The following DBF4 variants were observed in gnomAD, a reference collection of about 807,000 sequenced individuals.
DBF4 encodes protein DBF4 homolog A.
A neutral mutation model predicts 76.6 loss-of-function variants in DBF4; 25 were observed. The ratio of observed to expected loss-of-function variants is 0.33; its 90% confidence interval spans 0.24 to 0.46. The LOEUF is 0.46. Ranked by LOEUF, DBF4 falls within the 20% of genes least tolerant of loss-of-function variation. The pLI is 1.00. For missense variants in DBF4, 638 were observed against 760.8 expected (o/e 0.84, Z 1.90); for synonymous variants, 213 against 258.0 (o/e 0.83, Z 1.67).
At chr7:87,884,888 G>T in intron 2 of DBF4, 91 bp from the exon 3 acceptor site, 2 of 954,426 alleles carry the variant, frequency 2.1e-6, no homozygotes, top group Non-Finnish European at 1.6e-6. Context: ...AGTGAGCTAT[G>T]ATTGTGCCAC....
chr7:87,902,318 CAT>C (rs1839807971), intron 10 of DBF4, among the ~76,000 whole-genome samples: 1 of 152,000 alleles, frequency 6.6e-6, no homozygotes, highest in African/African-American at 2.4e-5. Context: ...AGAGTAAAGA[CAT>C]TTTTTTTTTG....
intron 2 of DBF4, among the ~76,000 whole-genome samples, chr7:87,881,313 C>T (rs986879512): frequency 6.6e-6 from 1 of 152,194 alleles, no homozygotes. Context: ...GAGGCTGAGG[C>T]AGGAGAATCT....
At position 87,876,564 on chromosome 7, in the gene DBF4, G is replaced by C. The variant is rs1042367826; in HGVS notation, c.-169G>C. 3 of 678,004 alleles carry C rather than the reference G, an allele frequency of 4.4e-6. No homozygotes were observed. Among genetic ancestry groups the C allele is most frequent in the African/African-American group, 1.8e-5 (1 of 55,850 alleles). The allele number at this position is 678,004 out of a possible 1,614,324, so 42.0% of individuals were successfully genotyped here. Reference sequence around the variant, plus strand: ...TCCTCCGCGCCTTGGAGCCGGATCCGGCCCCGGAAACCCGACCTGCAGACG... The same window carrying C: ...TCCTCCGCGCCTTGGAGCCGGATCCCGCCCCGGAAACCCGACCTGCAGACG... On this transcript the variant is annotated 5_prime_UTR_variant, in exon 1 of 12. Transcript: ENST00000265728.
chr7:87,892,599 CAA>C (rs1472419842), intron 6 of DBF4, among the ~76,000 whole-genome samples: 3 of 152,042 alleles, frequency 2.0e-5, no homozygotes, highest in Admixed American at 2.0e-4. Context: ...GGTAAATAAC[CAA>C]AGAGTATGAT....
chr7:87,907,735 C>G lies in DBF4; in HGVS notation c.1597C>G (p.Leu533Val). 4 of 1,614,046 alleles carry G rather than the reference C, an allele frequency of 2.5e-6. No homozygotes were observed. The highest frequency in any genetic ancestry group is 3.4e-6 in the Non-Finnish European group (4 of 1,179,956). Residue 533 changes from leucine to valine, a missense_variant, in exon 12 of 12, where the codon CTG (leucine) becomes GTG (valine). Coordinates refer to ENST00000265728, the MANE Select transcript of DBF4 (RefSeq NM_006716.4). Reference sequence around the variant, plus strand: ...TTCAATATTTACTCATGATTCTGGTCTGATAACAATAAACAGTTCACAAGA... The same window carrying G: ...TTCAATATTTACTCATGATTCTGGTGTGATAACAATAAACAGTTCACAAGA... ...LHSIFTHDSG[L>V]ITINSSQEHL...
At chr7:87,883,977 T>C (rs1839280607) in intron 2 of DBF4, among the ~76,000 whole-genome samples, 2 of 152,208 alleles carry the variant, frequency 1.3e-5, no homozygotes, top group South Asian at 4.1e-4. Context: ...ACCCTGGCGA[T>C]CTTTAATAAC....
At position 87,904,736 on chromosome 7, in the gene DBF4, G is replaced by A. The variant is rs764598151; in HGVS notation, c.1049+320G>A. ...CCAGCCTGGGTGACAGTGAGACTCC[G>A]TCTCAAAAATAAATAAATAAATTAT... On this transcript the variant is annotated intron_variant, in intron 11 of 11. Transcript: ENST00000265728. 5.3e-5 allele frequency among the ~76,000 whole-genome samples: 8 copies of A among 151,870 alleles called. No individual in the cohort carries two copies. In the South Asian group the frequency reaches 6.2e-4, roughly 12 times the overall value.
intron 5 of DBF4, 35 bp from the exon 6 acceptor site, chr7:87,887,948 T>C (rs770620200): frequency 5.4e-6 from 8 of 1,490,772 alleles, no homozygotes; most frequent in Non-Finnish European, 2.7e-6. Context: ...AAGAGTAAAA[T>C]TGCTAATCTT....
intron 2 of DBF4, among the ~76,000 whole-genome samples, chr7:87,879,148 C>T (rs779409567): frequency 1.8e-4 from 27 of 152,196 alleles, no homozygotes; most frequent in Non-Finnish European, 3.2e-4. Flanking sequence ...AGGGTTTCAC[C>T]GTGTTGCCCA....
At chr7:87,904,257 C>A in intron 10 of DBF4, 35 bp from the exon 11 acceptor site, 1 of 1,563,582 alleles carries the variant, frequency 6.4e-7, no homozygotes, top group Non-Finnish European at 8.6e-7. Flanking sequence ...ATTTTAAATA[C>A]AATTTTTTGA....
chr7:87,887,885 A>G (rs1839397344), intron 5 of DBF4, 98 bp from the exon 6 acceptor site: 1 of 1,174,392 alleles, frequency 8.5e-7, no homozygotes. Flanking sequence ...GATACCTATA[A>G]TGGTAAATTC....
chr7:87,890,467 G>T (rs1230798596), intron 6 of DBF4, among the ~76,000 whole-genome samples: 1 of 152,186 alleles, frequency 6.6e-6, no homozygotes, highest in South Asian at 2.1e-4. Context: ...GGCAGGCAGA[G>T]GTAGCAGTGA....
intron 5 of DBF4, 143 bp from the exon 6 acceptor site, chr7:87,887,840 T>G: frequency 1.2e-6 from 1 of 808,750 alleles, no homozygotes; most frequent in Non-Finnish European, 1.8e-6. Flanking sequence ...AACATGAGTT[T>G]TAGAGGAGAC....
intron 6 of DBF4, 50 bp downstream of exon 6, chr7:87,888,109 T>G (rs1324556809): frequency 6.6e-7 from 1 of 1,512,108 alleles, no homozygotes; most frequent in Non-Finnish European, 8.8e-7. Flanking sequence ...GTTTTTTTAC[T>G]TACGTATTTG....
intron 8 of DBF4, among the ~76,000 whole-genome samples, chr7:87,898,823 G>C (rs548775692): frequency 8.0e-5 from 12 of 149,826 alleles, no homozygotes; most frequent in African/African-American, 2.7e-4. Context: ...AACAAAGTAA[G>C]AGGTCTCACA....
At chr7:87,885,221 T>A in intron 3 of DBF4, 63 bp downstream of exon 3, 1 of 1,382,704 alleles carries the variant, frequency 7.2e-7, no homozygotes, top group Non-Finnish European at 9.9e-7. Flanking sequence ...TCCTGGTTTT[T>A]AATAGCAAGG....
At chr7:87,886,268 C>T (rs1369135225) in intron 3 of DBF4, among the ~76,000 whole-genome samples, 2 of 152,090 alleles carry the variant, frequency 1.3e-5, no homozygotes, top group Admixed American at 6.5e-5. Context: ...TGCGGTGGCT[C>T]ACGCCTGTAA....
chr7:87,897,254 T>C lies in DBF4; in HGVS notation c.635-40T>C, dbSNP rs373353153. 4 of 1,542,778 alleles carry C rather than the reference T, an allele frequency of 2.6e-6. No individual in the cohort carries two copies. In the African/African-American group the frequency reaches 5.6e-5, roughly 22 times the overall value. Reference sequence around the variant, plus strand: ...TTTTATTAAAAAAAAAAAAGAATCCTGAATTTGCAAGTATCTAATATGTTT... The same window carrying C: ...TTTTATTAAAAAAAAAAAAGAATCCCGAATTTGCAAGTATCTAATATGTTT... On this transcript the variant is annotated intron_variant, in intron 7 of 11. Transcript: ENST00000265728.
Position 87,881,768 on chromosome 7 carries a change from G to A in DBF4, c.220-3211G>A, listed in dbSNP as rs185484119. On this transcript the variant is annotated intron_variant, in intron 2 of 11. Transcript: ENST00000265728. The stretch of plus-strand genomic sequence containing the variant: ...ACAACTGAATAATTTATGTTAGAGT[G>A]TTGTCAATGCTTTGACAGAAATATG... Among the ~76,000 whole-genome samples, 48 of 152,324 alleles carry A rather than the reference G, an allele frequency of 3.2e-4. 1 individual carries two copies. In the East Asian group the frequency reaches 7.5e-3, roughly 24 times the overall value.
Sources: allele counts gnomAD v4.1 joint callset (sites outside exome capture counted in the v4.1 genomes callset), GRCh38; gene constraint gnomAD v4.1.1; transcripts MANE v1.5; gene names NCBI Gene and HGNC (gene_info 2026-07-23, HGNC 2026-07-21).